Variants in ADGRG1 observed in about 807,000 individuals in gnomAD.
The protein encoded by ADGRG1 is adhesion G protein-coupled receptor G1.
A neutral mutation model predicts 73.5 loss-of-function variants in ADGRG1; 53 were observed. The ratio of observed to expected loss-of-function variants is 0.72; its 90% CI spans 0.58 to 0.91. ADGRG1 has a LOEUF of 0.91. Among genes scored for constraint, ADGRG1 ranks in the 40% least tolerant of loss-of-function variants. The pLI, the probability that ADGRG1 is intolerant of heterozygous loss-of-function variation, is 0.00. For missense variants in ADGRG1, 795 were observed against 871.8 expected, an observed-to-expected ratio of 0.91 and a Z score of 1.11; for synonymous variants, 394 against 374.4, an observed-to-expected ratio of 1.05 and a Z score of -0.60.
upstream of ADGRG1, among the ~76,000 whole-genome samples, chr16:57,626,125 G>A (rs989554946): frequency 1.1e-4 from 16 of 152,284 alleles, no homozygotes; most frequent in South Asian, 6.2e-4. Flanking sequence ...CTGGTGTCCC[G>A]TGTTTGGTTA....
intron 3 of ADGRG1, chr16:57,651,996 C>T (rs147959952): frequency 4.1e-6 from 5 of 1,219,782 alleles, no homozygotes; most frequent in Non-Finnish European, 5.2e-6. Context: ...AGGAAGAATT[C>T]TTCCTCAGCA....
At chr16:57,661,299 C>T (rs2047019545) in intron 12 of ADGRG1, 1 of 985,192 alleles carries the variant, frequency 1.0e-6, no homozygotes, top group Non-Finnish European at 1.2e-6. Flanking sequence ...GGTTGAAGTC[C>T]AGTCCTTCTC....
In ADGRG1 at chr16:57,664,747, C is replaced by T. The variant is rs769923930; in HGVS notation, c.*1165C>T. On this transcript the variant is annotated 3_prime_UTR_variant, in exon 14 of 14. Coordinates refer to ENST00000562631, the MANE Select transcript of ADGRG1 (RefSeq NM_201525.4). ...ACAGATGACCGACCTGGTCACTCCT[C>T]CTGCCAACATTCAGTCTGGTATGTG... 3.9e-5 allele frequency: 6 copies of T among 153,290 alleles called. No homozygotes were observed. Among genetic ancestry groups the T allele is most frequent in the Non-Finnish European group, 7.3e-5 (5 of 68,054 alleles). 9.5% of individuals were successfully genotyped at this position (153,290 alleles called of 1,614,324 possible).
intron 13 of ADGRG1, chr16:57,663,026 C>G: frequency 2.0e-6 from 2 of 985,026 alleles, no homozygotes; most frequent in Non-Finnish European, 2.4e-6. Context: ...GTAAGTGAGG[C>G]CCATACATTC....
chr16:57,620,509 G>A (rs1281004383), upstream of ADGRG1, among the ~76,000 whole-genome samples: 1 of 152,208 alleles, frequency 6.6e-6, no homozygotes, highest in Non-Finnish European at 1.5e-5. Flanking sequence ...TCTCCTGCCT[G>A]CTTTCCGCAG....
Position 57,653,214 on chromosome 16 carries a change from A to ACGGC in ADGRG1, c.502_505dup (p.Ala169GlyfsTer118), listed in dbSNP as rs780865319. On this transcript the variant is annotated frameshift_variant, in exon 4 of 14. Coordinates refer to ENST00000562631, the MANE Select transcript of ADGRG1 (RefSeq NM_201525.4). LOFTEE classifies it high-confidence loss of function. ...CACCCCTCCCCCAGGTCCTCCCCACACGGCCGCTCACAATGCCTCGGTGGA... is the reference window on the plus strand; with the variant it reads ...CACCCCTCCCCCAGGTCCTCCCCACACGGCCGGCCGCTCACAATGCCTCGGTGGA... 3 of 1,609,356 alleles carry ACGGC rather than the reference A, an allele frequency of 1.9e-6. No individual in the cohort carries two copies. In the East Asian group the frequency reaches 6.7e-5, roughly 36 times the overall value.
intron 6 of ADGRG1, 168 bp from the exon 7 acceptor site, chr16:57,655,708 A>G (rs1462474634): frequency 1.0e-6 from 1 of 985,232 alleles, no homozygotes; most frequent in Admixed American, 6.1e-5. Context: ...TGTTCTTCTT[A>G]CTATAGTGTA....
chr16:57,635,901 GA>G, intron 1 of ADGRG1: 1 of 985,388 alleles, frequency 1.0e-6, no homozygotes, highest in Non-Finnish European at 1.2e-6. Flanking sequence ...AGTGGCCCTG[GA>G]AGCATGGGAG....
At chr16:57,649,860 C>G (rs2043607976) in intron 1 of ADGRG1, among the ~76,000 whole-genome samples, 1 of 152,088 alleles carries the variant, frequency 6.6e-6, no homozygotes, top group African/African-American at 2.4e-5. Flanking sequence ...TCACTGCAGC[C>G]TCGACCTCCT....
At chr16:57,662,449 C>A (rs1434098980) in intron 13 of ADGRG1, among the ~76,000 whole-genome samples, 2 of 152,108 alleles carry the variant, frequency 1.3e-5, no homozygotes, top group Non-Finnish European at 2.9e-5. Flanking sequence ...GTCCACAGAC[C>A]AGCAGCAGCA....
chr16:57,656,134 T>G, intron 7 of ADGRG1, 92 bp from the exon 8 acceptor site: 1 of 1,613,618 alleles, frequency 6.2e-7, no homozygotes, highest in East Asian at 2.2e-5. Flanking sequence ...GGGTGGTGGC[T>G]TGACTGTGTT....
At chr16:57,652,528 A>T in intron 3 of ADGRG1, 2 of 622,558 alleles carry the variant, frequency 3.2e-6, no homozygotes, top group Non-Finnish European at 4.0e-6. Flanking sequence ...AGTTGATCCT[A>T]GTTGCAAATT....
At chr16:57,624,121 G>C (rs920746859), upstream of ADGRG1, 1 of 745,564 alleles carries the variant, frequency 1.3e-6, no homozygotes, top group East Asian at 1.3e-4. Flanking sequence ...CCTACTGTGT[G>C]CCTTGCATTG....
intron 1 of ADGRG1, chr16:57,644,079 T>A: frequency 1.0e-6 from 1 of 985,384 alleles, no homozygotes; most frequent in Non-Finnish European, 1.2e-6. Context: ...AGGAAACACC[T>A]GCAAGAGCCC....
Position 57,631,564 on chromosome 16 carries a change from C to T in ADGRG1, c.-36+2762C>T, listed in dbSNP as rs933997584. On this transcript the variant is annotated intron_variant, in intron 1 of 13. Transcript: ENST00000562631. ...TGGAGCTTGATCAGGGCTCAGCCCC[C>T]GTCCCCATGCTGGGGGTGGCCCTGT... 100 of 985,592 alleles carry T rather than the reference C, an allele frequency of 1.0e-4. 1 individual carries two copies. The highest frequency in any genetic ancestry group is 3.4e-4 in the East Asian group (3 of 8,806). The allele number at this position is 985,592 out of a possible 1,614,324, so 61.1% of individuals were successfully genotyped here.
chr16:57,649,269 T>C (rs987214612), intron 1 of ADGRG1, among the ~76,000 whole-genome samples: 5 of 152,172 alleles, frequency 3.3e-5, no homozygotes, highest in Non-Finnish European at 4.4e-5. Flanking sequence ...GATCCTTTAG[T>C]TCCTTCACTG....
chr16:57,661,193 C>A, intron 12 of ADGRG1: 1 of 694,040 alleles, frequency 1.4e-6, no homozygotes, highest in Non-Finnish European at 1.8e-6. Flanking sequence ...CTCTGTCTCC[C>A]CATGCAGATG....
upstream of ADGRG1, chr16:57,627,983 C>A: frequency 1.0e-6 from 1 of 985,198 alleles, no homozygotes; most frequent in Non-Finnish European, 1.2e-6. Context: ...TTCCAGAAGC[C>A]CCTGGGGTCT....
intron 1 of ADGRG1, chr16:57,632,929 G>T (rs1461488555): frequency 8.1e-6 from 8 of 985,294 alleles, no homozygotes; most frequent in Non-Finnish European, 9.6e-6. Flanking sequence ...TCCCAGACTC[G>T]GGGCCACTTA....
Sources: allele counts gnomAD v4.1 joint callset (sites outside exome capture counted in the v4.1 genomes callset), GRCh38; gene constraint gnomAD v4.1.1; transcripts MANE v1.5; gene names NCBI Gene and HGNC (gene_info 2026-07-23, HGNC 2026-07-21).